CADM1: variants seen among roughly 807,000 people sequenced by gnomAD.
CADM1 encodes the protein cell adhesion molecule 1, also known as TSLC-1.
A neutral mutation model predicts 53.1 loss-of-function variants in CADM1; 15 were observed. The observed-to-expected ratio is 0.28, with a 90% CI of 0.19 to 0.44. CADM1 has a LOEUF of 0.44. Ranked by LOEUF, CADM1 falls within the 20% of genes least tolerant of loss-of-function variation. The pLI is 1.00. For synonymous variants in CADM1, 281 were observed against 243.0 expected (o/e 1.16, Z -1.45); for missense variants, 434 against 611.3 (o/e 0.71, Z 3.06).
chr11:115,240,187 TA>T, intron 2 of CADM1, 86 bp downstream of exon 2: 6 of 1,262,688 alleles, frequency 4.8e-6, no homozygotes, highest in Non-Finnish European at 4.5e-6. Context: ...ACATTAAATT[TA>T]AAAAAGGTGG....
rs567947751 is a variant in CADM1, at chr11:115,209,332, G to A, written c.1078+242C>T. Among the ~76,000 whole-genome samples, 50 of 152,256 alleles carry A rather than the reference G, an allele frequency of 3.3e-4. 1 individual carries two copies. Among genetic ancestry groups the A allele is most frequent in the Non-Finnish European group, 4.4e-5 (3 of 68,014 alleles). On this transcript the variant is annotated intron_variant, in intron 8 of 11. Transcript: ENST00000331581. Reference sequence around the variant, plus strand: ...CTAGCATTTTGCTTTCAATAGTGATGCTTAAAAAAGAATTCTTTTATGCAT... The same window carrying A: ...CTAGCATTTTGCTTTCAATAGTGATACTTAAAAAAGAATTCTTTTATGCAT...
chr11:115,209,026 A>T (rs1353268543), intron 8 of CADM1, among the ~76,000 whole-genome samples: 1 of 152,220 alleles, frequency 6.6e-6, no homozygotes, highest in Non-Finnish European at 1.5e-5. Flanking sequence ...CTCAGCATGG[A>T]AAAGACAGTG....
intron 8 of CADM1, among the ~76,000 whole-genome samples, chr11:115,208,178 AGAGT>A (rs1446911975): frequency 6.6e-6 from 1 of 152,228 alleles, no homozygotes; most frequent in Non-Finnish European, 1.5e-5. Context: ...AGCTGAGTTT[AGAGT>A]GAGACATGAA....
At position 115,174,034 on chromosome 11, in the gene CADM1, TC is replaced by T. The variant is rs1367246773; in HGVS notation, c.*2439del. ...TACATAAACCAATATACAACTAAAA[TC>T]CATAATTTCCTGTTTTTGCTTTGTT... On this transcript the variant is annotated 3_prime_UTR_variant, in exon 12 of 12. Transcript: ENST00000331581. 1 of 973,428 alleles carries T rather than the reference TC, an allele frequency of 1.0e-6. No individual in the cohort carries two copies. Among genetic ancestry groups the T allele is most frequent in the African/African-American group, 1.8e-5 (1 of 56,918 alleles). 60.3% of individuals were successfully genotyped at this position (973,428 alleles called of 1,614,324 possible).
In CADM1 at chr11:115,214,920, C is replaced by G. The variant is rs1941114456; in HGVS notation, c.822-140G>C. ...TCACAGAATTACAACTGTGAAGTCT[C>G]CAAAAATCTGTTTGGTATACAATTT... is the stretch of plus-strand genomic sequence containing the variant. On this transcript the variant is annotated intron_variant, in intron 6 of 11. Transcript: ENST00000331581. 4.3e-6 allele frequency: 4 copies of G among 935,820 alleles called. No individual in the cohort carries two copies. The East Asian group carries it at 7.4e-5, about 17-fold the overall frequency. The allele number at this position is 935,820 out of a possible 1,614,324, so 58.0% of individuals were successfully genotyped here.
At chr11:115,181,896 A>C (rs1426545329) in intron 10 of CADM1, among the ~76,000 whole-genome samples, 1 of 152,198 alleles carries the variant, frequency 6.6e-6, no homozygotes, top group Non-Finnish European at 1.5e-5. Flanking sequence ...CCAGGGGGGA[A>C]CTGGGCTACT....
intron 1 of CADM1, among the ~76,000 whole-genome samples, chr11:115,272,761 A>T (rs1414914896): frequency 1.7e-5 from 1 of 59,970 alleles, no homozygotes; most frequent in African/African-American, 7.1e-5. Flanking sequence ...GGGTGGGGGG[A>T]GGGGGGAGGG....
intron 1 of CADM1, among the ~76,000 whole-genome samples, chr11:115,488,675 A>C (rs909380760): frequency 2.0e-5 from 3 of 152,232 alleles, no homozygotes; most frequent in African/African-American, 7.2e-5. Context: ...ACACAAGACC[A>C]AAAGGAAACC....
chr11:115,289,593 C>CTTTTT (rs56766047), intron 1 of CADM1, among the ~76,000 whole-genome samples: 3 of 109,032 alleles, frequency 2.8e-5, no homozygotes, highest in Non-Finnish European at 3.8e-5. Context: ...CTTTTTTTTT[C>CTTTTT]TTTTTTTTTT....
chr11:115,169,681 T>C lies in CADM1; in HGVS notation c.*6793A>G. ...GAGAGATGGATAGTAATTTCGTCAC[T>C]AGCTAACAGAGACTGATTAGTGCAG... On this transcript the variant is annotated 3_prime_UTR_variant, in exon 12 of 12. Coordinates refer to ENST00000331581, the MANE Select transcript of CADM1 (RefSeq NM_001301043.2). 1 of 455,396 alleles carries C rather than the reference T, an allele frequency of 2.2e-6. No individual in the cohort carries two copies. Among genetic ancestry groups the C allele is most frequent in the South Asian group, 1.6e-5 (1 of 64,176 alleles). 28.2% of individuals were successfully genotyped at this position (455,396 alleles called of 1,614,324 possible). A position where few individuals can be genotyped will look rare whatever the true frequency, so the allele number is the denominator to read the frequency against.
chr11:115,272,815 G>A (rs1043001485), intron 1 of CADM1, among the ~76,000 whole-genome samples: 32 of 151,116 alleles, frequency 2.1e-4, no homozygotes, highest in African/African-American at 7.5e-4. Context: ...CGAGTTAGTG[G>A]GTGCAGCACA....
intron 1 of CADM1, among the ~76,000 whole-genome samples, chr11:115,498,627 T>C (rs1268327300): frequency 6.6e-6 from 1 of 152,200 alleles, no homozygotes; most frequent in African/African-American, 2.4e-5. Flanking sequence ...AACCAAACCA[T>C]AGGAGAAGGT....
At position 115,201,026 on chromosome 11, in the gene CADM1, A is replaced by T. The variant is rs149067604; in HGVS notation, c.1079-2588T>A. On this transcript the variant is annotated intron_variant, in intron 8 of 11. Transcript: ENST00000331581. ...AGAAAATAAATGAAGGAAAATCCAC[A>T]GTGCATCTTGCTTCCCCGTTCTGGG... Among the ~76,000 whole-genome samples the T allele has an allele frequency of 3.0e-3, 464 of 152,320 alleles. 1 individual carries two copies. The highest frequency in any genetic ancestry group is 0.017 in the Middle Eastern group (5 of 294).
chr11:115,285,420 T>A (rs1943705507), intron 1 of CADM1, among the ~76,000 whole-genome samples: 1 of 152,224 alleles, frequency 6.6e-6, no homozygotes, highest in Non-Finnish European at 1.5e-5. Flanking sequence ...AGTAGTAGTC[T>A]TATCCCCATT....
At chr11:115,194,986 G>A (rs569117820) in intron 9 of CADM1, among the ~76,000 whole-genome samples, 1 of 152,294 alleles carries the variant, frequency 6.6e-6, no homozygotes, top group South Asian at 2.1e-4. Flanking sequence ...ATCAGGATTT[G>A]GCAGAGTGTT....
In CADM1 at chr11:115,497,619, T is replaced by C. The variant is rs557692232; in HGVS notation, c.124+6652A>G. ...CAGCTGCTGGCTAGAGCCTGCAATT[T>C]AAATCTCTGAAAAAGAAACTGTGGC... On this transcript the variant is annotated intron_variant, in intron 1 of 11. Coordinates refer to ENST00000331581, the MANE Select transcript of CADM1 (RefSeq NM_001301043.2). Among the ~76,000 whole-genome samples, 173 of 152,344 alleles carry C rather than the reference T, an allele frequency of 1.1e-3. 1 individual carries two copies. The highest frequency in any genetic ancestry group is 2.0e-3 in the Non-Finnish European group (136 of 68,030).
intron 10 of CADM1, among the ~76,000 whole-genome samples, chr11:115,179,800 G>A (rs934857992): frequency 6.6e-6 from 1 of 152,102 alleles, no homozygotes; most frequent in Non-Finnish European, 1.5e-5. Context: ...AAGCACAGCA[G>A]CAACAGAAAC....
chr11:115,495,258 T>A (rs776884957), intron 1 of CADM1, among the ~76,000 whole-genome samples: 2 of 152,220 alleles, frequency 1.3e-5, no homozygotes, highest in Admixed American at 6.5e-5. Context: ...GGATGACTTG[T>A]AACATCCAGG....
At chr11:115,360,863 AATTTT>A (rs45606039) in intron 1 of CADM1, among the ~76,000 whole-genome samples, 14,199 of 152,078 alleles carry the variant, frequency 0.093, 842 homozygotes, top group Middle Eastern at 0.14. Flanking sequence ...ATACAGCAAG[AATTTT>A]ATTTTATGTT....
Sources: allele counts gnomAD v4.1 joint callset (sites outside exome capture counted in the v4.1 genomes callset), GRCh38; gene constraint gnomAD v4.1.1; transcripts MANE v1.5; gene names NCBI Gene and HGNC (gene_info 2026-07-23, HGNC 2026-07-21).